The following MYO19 variants were observed in gnomAD, a reference collection of about 807,000 sequenced individuals.
MYO19 encodes the protein myosin XIX.
In MYO19, 132 loss-of-function variants were observed where a neutral mutation model predicts 129.2. That is an observed-to-expected ratio of 1.02 (90% CI 0.89 to 1.18). MYO19 has a LOEUF of 1.18. Among genes scored for constraint, MYO19 ranks in the 50% most tolerant of loss-of-function variants. The pLI, the probability that MYO19 is intolerant of heterozygous loss-of-function variation, is 0.00. For missense variants in MYO19, 1,210 were observed against 1,216.7 expected (o/e 0.99, Z 0.08); for synonymous variants, 531 against 477.2 (o/e 1.11, Z -1.47).
chr17:36,528,053 G>A lies in MYO19; in HGVS notation c.151+11C>T, dbSNP rs766520596. ...TGGAGATGATACTCCTGAGGAATGG[G>A]AGGCCCATACCTGTCTCTAGTGTCA... On this transcript the variant is annotated intron_variant, in intron 4 of 25. Transcript: ENST00000614623. The A allele has an allele frequency of 3.1e-5, 50 of 1,607,234 alleles. No individual in the cohort carries two copies. Among genetic ancestry groups the A allele is most frequent in the Middle Eastern group, 1.6e-4 (1 of 6,070 alleles).
In MYO19 at chr17:36,498,404, C is replaced by G; in HGVS notation, c.2619G>C (p.Thr873=). 1 of 1,614,026 alleles carries G rather than the reference C, an allele frequency of 6.2e-7. No individual in the cohort carries two copies. The change falls in exon 25 of 26, where the codon ACG becomes ACC. Residue 873 remains threonine (T), a synonymous_variant. Coordinates refer to ENST00000614623, the MANE Select transcript of MYO19 (RefSeq NM_001163735.2). ...TCTGAAAGCTGCCTACACCCATAGC[C>G]GTATTGGCCAGGACCAGTCCCAGGG... is the stretch of plus-strand genomic sequence containing the variant. The part of the protein sequence containing the change: ...LWPLGLVLAN[T]AMGVGSFQRK...
intron 2 of MYO19, among the ~76,000 whole-genome samples, chr17:36,540,590 C>T (rs904158447): frequency 1.6e-4 from 24 of 152,212 alleles, no homozygotes; most frequent in African/African-American, 5.5e-4. Flanking sequence ...AGGCCAGTCT[C>T]GAACTCCTGT....
At position 36,515,890 on chromosome 17, in the gene MYO19, A is replaced by G; in HGVS notation, c.515T>C (p.Ile172Thr). The change falls in exon 7 of 26, where the codon ATC (isoleucine) becomes ACC (threonine). Residue 172 changes from isoleucine to threonine, a missense_variant. Physicochemically the swap from Ile to Thr is moderately conservative, Grantham distance 89. Coordinates refer to ENST00000614623, the MANE Select transcript of MYO19 (RefSeq NM_001163735.2). ...HKIAERIEQR[I>T]LNSNPVMEAF... ...TTCCATGACAGGGTTGGAGTTCAGG[A>G]TCCTCTGTTCTATCCTCTCTGCAAT... The G allele has an allele frequency of 6.2e-7, 1 of 1,613,482 alleles. No homozygotes were observed. Among genetic ancestry groups the G allele is most frequent in the South Asian group, 1.1e-5 (1 of 91,052 alleles).
intron 6 of MYO19, among the ~76,000 whole-genome samples, chr17:36,523,624 T>C (rs1277625684): frequency 6.6e-6 from 1 of 152,190 alleles, no homozygotes; most frequent in Non-Finnish European, 1.5e-5. Context: ...ATATAGTATA[T>C]TATATGGCTC....
intron 6 of MYO19, among the ~76,000 whole-genome samples, chr17:36,523,222 C>T (rs191333190): frequency 1.7e-4 from 25 of 150,262 alleles, no homozygotes; most frequent in Middle Eastern, 3.4e-3. Context: ...ATAAAGAGAA[C>T]GCTATGGGTT....
rs113088531 is a variant in MYO19, at chr17:36,499,668, T to C, written c.2378-508A>G. The C allele has an allele frequency of 1.4e-4, 17 of 118,234 alleles. 1 individual carries two copies. The highest frequency in any genetic ancestry group is 5.9e-4 in the African/African-American group (17 of 28,968). The allele number at this position is 118,234 out of a possible 1,614,324, so 7.3% of individuals were successfully genotyped here. On this transcript the variant is annotated intron_variant, in intron 23 of 25. Coordinates refer to ENST00000614623, the MANE Select transcript of MYO19 (RefSeq NM_001163735.2). ...ATATTCTTTTTCTTTTTGTTTCTTTTTTTTTTTTTTTTTTTTTTTTTTTTT... is the reference window on the plus strand; with the variant it reads ...ATATTCTTTTTCTTTTTGTTTCTTTCTTTTTTTTTTTTTTTTTTTTTTTTT...
chr17:36,499,605 ATGG>A (rs1599205597), intron 23 of MYO19: 2 of 144,264 alleles, frequency 1.4e-5, no homozygotes, highest in Admixed American at 6.9e-5. Context: ...CAATTAATAG[ATGG>A]TGGTAATTTT....
upstream of MYO19, among the ~76,000 whole-genome samples, chr17:36,539,826 C>T (rs1382118000): frequency 6.6e-6 from 1 of 151,676 alleles, no homozygotes; most frequent in Non-Finnish European, 1.5e-5. Flanking sequence ...GAAGAAAAAG[C>T]ATAGGTTGTC....
rs749371607 is a variant in MYO19, at chr17:36,525,255, A to C, written c.387T>G (p.Val129=). 2.5e-6 allele frequency: 4 copies of C among 1,613,690 alleles called. No homozygotes were observed. ...SLIEPVNQSI[V]VSGESGAGKT... is the part of the protein sequence containing the mutation. ...TTCCAGCACCACTCTCTCCACTGAC[A>C]ACAATAGACTGGTTGACTGGTTCAA... is the stretch of plus-strand genomic sequence containing the variant. Residue 129 remains valine, a synonymous_variant, in exon 6 of 26, where the codon GTT becomes GTG. Transcript: ENST00000614623.
chr17:36,498,949 C>G (rs2071250011), intron 24 of MYO19, 126 bp downstream of exon 24: 2 of 715,418 alleles, frequency 2.8e-6, no homozygotes, highest in East Asian at 5.5e-5. Flanking sequence ...ATATGAGGCT[C>G]AGAGAGGCTA....
chr17:36,506,597 T>C lies in MYO19; in HGVS notation c.1656A>G (p.Pro552=), dbSNP rs779560741. The change falls in exon 18 of 26, where the codon CCA becomes CCG. Residue 552 remains proline (P), a synonymous_variant. Coordinates refer to ENST00000614623, the MANE Select transcript of MYO19 (RefSeq NM_001163735.2). ...GLVEKNKDPI[P]PELTRLLQQS... Reference sequence around the variant, plus strand: ...GCTGCAGGAGCCTGGTCAGCTCAGGTGGGATAGGGTCCTATTGGGAAATGG... The same window carrying C: ...GCTGCAGGAGCCTGGTCAGCTCAGGCGGGATAGGGTCCTATTGGGAAATGG... The C allele has an allele frequency of 4.6e-6, 7 of 1,536,694 alleles. No homozygotes were observed. In the Admixed American group the frequency reaches 1.5e-4, roughly 33 times the overall value.
intron 6 of MYO19, among the ~76,000 whole-genome samples, chr17:36,521,532 G>A (rs976959189): frequency 2.0e-5 from 3 of 152,084 alleles, no homozygotes; most frequent in Non-Finnish European, 4.4e-5. Context: ...GAAAACAGGG[G>A]AGGAAATTAT....
chr17:36,524,277 C>A (rs1016569579), intron 6 of MYO19, among the ~76,000 whole-genome samples: 1 of 152,196 alleles, frequency 6.6e-6, no homozygotes, highest in Non-Finnish European at 1.5e-5. Flanking sequence ...CTAAGTGCCC[C>A]CTGAAAGCTA....
chr17:36,511,233 C>T (rs535938219), intron 12 of MYO19, 132 bp downstream of exon 12: 1 of 943,578 alleles, frequency 1.1e-6, no homozygotes, highest in South Asian at 1.5e-5. Flanking sequence ...TGATCCAGGG[C>T]CAGGCCCTAT....
At chr17:36,512,332 T>C (rs1385138138) in intron 11 of MYO19, among the ~76,000 whole-genome samples, 3 of 145,066 alleles carry the variant, frequency 2.1e-5, no homozygotes, top group African/African-American at 7.8e-5. Context: ...GAGGTTGCAG[T>C]GAGCTGAGAT....
chr17:36,544,716 G>A (rs1050924942), upstream of MYO19, among the ~76,000 whole-genome samples: 1 of 152,322 alleles, frequency 6.6e-6, no homozygotes, highest in African/African-American at 2.4e-5. Context: ...TCCTAGTTCG[G>A]GTCTAGCGGA....
Position 36,507,841 on chromosome 17 carries a change from G to A in MYO19, c.1315C>T (p.Gln439Ter). 6.2e-7 allele frequency: 1 copy of A among 1,613,614 alleles called. No individual in the cohort carries two copies. The highest frequency in any genetic ancestry group is 8.5e-7 in the Non-Finnish European group (1 of 1,179,642). Residue 439 changes from glutamine to a stop codon, truncating the protein, a stop_gained, in exon 15 of 26, where the codon CAG becomes TAG. Transcript: ENST00000614623. LOFTEE classifies it high-confidence loss of function. ...LCINYANEKLQQHFVAHYLRA... is the reference protein window; with the variant it reads ...LCINYANEKL ...AGGTAGTGAGCCACAAAATGCTGCT[G>A]CAGCTTCTCATTGGCGTAGTTGATG...
At chr17:36,507,704 CA>C in intron 15 of MYO19, 98 bp downstream of exon 15, 1 of 1,402,390 alleles carries the variant, frequency 7.1e-7, no homozygotes, top group Non-Finnish European at 9.5e-7. Flanking sequence ...TAAGAAGGAA[CA>C]AAAGGCTTCT....
intron 23 of MYO19, chr17:36,499,678 T>TC (rs2071361683): frequency 7.7e-6 from 1 of 129,390 alleles, no homozygotes; most frequent in African/African-American, 3.0e-5. Context: ...TTTTTTTTTT[T>TC]TTTTTTTTTT....
Sources: allele counts gnomAD v4.1 joint callset (sites outside exome capture counted in the v4.1 genomes callset), GRCh38; gene constraint gnomAD v4.1.1; transcripts MANE v1.5; gene names NCBI Gene and HGNC (gene_info 2026-07-23, HGNC 2026-07-21).